The following OPRL1 variants were observed in gnomAD, a reference collection of about 807,000 sequenced individuals.
OPRL1 encodes the protein nociceptin receptor.
OPRL1 carries 5 observed loss-of-function variants against 15.5 expected under a neutral mutation model. The ratio of observed to expected loss-of-function variants is 0.32; its 90% CI spans 0.17 to 0.68. OPRL1 has a LOEUF of 0.68. OPRL1 is among the 30% of genes least tolerant of loss of function. OPRL1 has a pLI of 0.72. For synonymous variants in OPRL1, 223 were observed against 230.2 expected, an observed-to-expected ratio of 0.97 and a Z score of 0.28; for missense variants, 406 against 515.3, an observed-to-expected ratio of 0.79 and a Z score of 2.05.
In OPRL1 at chr20:64,097,622, G is replaced by C. The variant is rs1979333763; in HGVS notation, c.234-180G>C. 6.6e-6 allele frequency among the ~76,000 whole-genome samples: 1 copy of C among 150,786 alleles called. No individual in the cohort carries two copies. Among genetic ancestry groups the C allele is most frequent in the Non-Finnish European group, 1.5e-5 (1 of 67,012 alleles). On this transcript the variant is annotated intron_variant, in intron 3 of 4. Coordinates refer to ENST00000336866, the MANE Select transcript of OPRL1 (RefSeq NM_182647.4). This position sits in a 1 kb window ranked among gnomAD's most constrained non-coding sequence, Gnocchi z 4.2. ...ACCCCAGGCCCTACCCCCTGAGACT[G>C]ACTCATGAGTCTCAGGTTGGGTCCA...
At chr20:64,088,522 G>A (rs2060076574) in intron 1 of OPRL1, among the ~76,000 whole-genome samples, 2 of 151,014 alleles carry the variant, frequency 1.3e-5, no homozygotes, top group South Asian at 2.1e-4. Context: ...TAGCATCTAT[G>A]TGGGGTGGGG....
At chr20:64,084,086 GCCCAGCCCGGCTTGGGGGGCT>G in intron 1 of OPRL1, 2 of 1,486,970 alleles carry the variant, frequency 1.3e-6, no homozygotes, top group Non-Finnish European at 1.8e-6. Context: ...CGGCGTCAGG[GCCCAGCCCGGCTTGGGGGGCT>G]CTGTCGCGGG....
At position 64,098,521 on chromosome 20, in the gene OPRL1, G is replaced by T. The variant is rs758672620; in HGVS notation, c.835G>T (p.Val279Phe). ...TGTGTTCGTGGGCTGCTGGACGCCT[G>T]TCCAGGTCTTCGTGCTGGCCCAAGG... is the stretch of plus-strand genomic sequence containing the variant. ...VAVFVGCWTP[V>F]QVFVLAQGLG... The change falls in exon 5 of 5, where the codon GTC becomes TTC. Residue 279 changes from valine (V) to phenylalanine (F), a missense_variant. Transcript: ENST00000336866. 6 of 1,612,912 alleles carry T rather than the reference G, an allele frequency of 3.7e-6. No individual in the cohort carries two copies. Among genetic ancestry groups the T allele is most frequent in the Non-Finnish European group, 5.1e-6 (6 of 1,180,020 alleles).
At chr20:64,091,499 G>A (rs1028137797) in intron 1 of OPRL1, among the ~76,000 whole-genome samples, 1 of 152,238 alleles carries the variant, frequency 6.6e-6, no homozygotes, top group Non-Finnish European at 1.5e-5. Flanking sequence ...CACACAGCAG[G>A]TGCTGGGCCA....
At position 64,083,391 on chromosome 20, in the gene OPRL1, C is replaced by G. The variant is rs1361365016; in HGVS notation, c.-185+3039C>G. The G allele has an allele frequency of 2.5e-6, 4 of 1,611,230 alleles. No homozygotes were observed. The highest frequency in any genetic ancestry group is 3.4e-6 in the Non-Finnish European group (4 of 1,179,320). The stretch of plus-strand genomic sequence containing the variant: ...CCAGCGAGCCTTCGGAGAATTATAA[C>G]TTTATGTGGGAGGCTGGGGCGCGTC... On this transcript the variant is annotated intron_variant, in intron 1 of 4. Coordinates refer to ENST00000336866, the MANE Select transcript of OPRL1 (RefSeq NM_182647.4). This position sits in a 1 kb window ranked among gnomAD's most constrained non-coding sequence, Gnocchi z 4.9.
rs1218293805 is a variant in OPRL1 at position 64,089,451 on chromosome 20, C to T, written c.-184-2515C>T. Among the ~76,000 whole-genome samples, 1 of 152,036 alleles carries T rather than the reference C, an allele frequency of 6.6e-6. No individual in the cohort carries two copies. Among genetic ancestry groups the T allele is most frequent in the African/African-American group, 2.4e-5 (1 of 41,386 alleles). On this transcript the variant is annotated intron_variant, in intron 1 of 4. Transcript: ENST00000336866. The surrounding 1 kb of genome is among the most constrained non-coding windows in gnomAD (Gnocchi z 5.5). Reference sequence around the variant, plus strand: ...GTGGGGGTCAGGGAGCTAGGTCTGACCTCGTCCCCCCTCCTTTCTTCCTGT... The same window carrying T: ...GTGGGGGTCAGGGAGCTAGGTCTGATCTCGTCCCCCCTCCTTTCTTCCTGT...
chr20:64,092,962 G>A lies in OPRL1; in HGVS notation c.233+9G>A, dbSNP rs1034854856. The A allele has an allele frequency of 1.2e-6, 2 of 1,610,420 alleles. No homozygotes were observed. Among genetic ancestry groups the A allele is most frequent in the Non-Finnish European group, 1.7e-6 (2 of 1,178,122 alleles). ...ATGTACGTCATCCTCAGGTAGGCTG[G>A]GCCCCAAGGTTCCTGTCTGGTGAGT... On this transcript the variant is annotated intron_variant, in intron 3 of 4. Transcript: ENST00000336866.
chr20:64,083,786 G>GC lies in OPRL1; in HGVS notation c.-185+3439dup. The GC allele has an allele frequency of 7.5e-7, 1 of 1,332,024 alleles. No individual in the cohort carries two copies. 82.5% of individuals were successfully genotyped at this position (1,332,024 alleles called of 1,614,324 possible). On this transcript the variant is annotated intron_variant, in intron 1 of 4. Coordinates refer to ENST00000336866, the MANE Select transcript of OPRL1 (RefSeq NM_182647.4). This position sits in a 1 kb window ranked among gnomAD's most constrained non-coding sequence, Gnocchi z 4.9. Reference sequence around the variant, plus strand: ...CGGCTCCGCTCAACGCTCCCGGTGCGCCCCCTCTGCCCTCCGACCCCCTCG... The same window carrying GC: ...CGGCTCCGCTCAACGCTCCCGGTGCGCCCCCCTCTGCCCTCCGACCCCCTCG...
Position 64,092,676 on chromosome 20 carries a change from G to A in OPRL1, c.-33-12G>A, listed in dbSNP as rs375434387. On this transcript the variant is annotated splice_polypyrimidine_tract_variant and intron_variant, in intron 2 of 4. Transcript: ENST00000336866. Reference sequence around the variant, plus strand: ...TGGCACTGCAGCCACTTGTCTCTGCGCTCTGTCCCAGGTACCGTACAGAGT... The same window carrying A: ...TGGCACTGCAGCCACTTGTCTCTGCACTCTGTCCCAGGTACCGTACAGAGT... 584 of 1,563,922 alleles carry A rather than the reference G, an allele frequency of 3.7e-4. No individual in the cohort carries two copies. The highest frequency in any genetic ancestry group is 4.8e-4 in the Non-Finnish European group (547 of 1,142,564).
intron 1 of OPRL1, among the ~76,000 whole-genome samples, chr20:64,081,213 T>C (rs2059963823): frequency 6.6e-6 from 1 of 152,130 alleles, no homozygotes; most frequent in African/African-American, 2.4e-5. Context: ...CCCAGAACCC[T>C]GTGACTGCCA....
intron 1 of OPRL1, among the ~76,000 whole-genome samples, chr20:64,080,656 A>G (rs1036629607): frequency 3.9e-5 from 6 of 152,126 alleles, no homozygotes; most frequent in African/African-American, 1.4e-4. Flanking sequence ...ATGACTCGGT[A>G]CAGACGTGGG....
Position 64,092,783 on chromosome 20 carries a change from C to A in OPRL1, c.63C>A (p.Asn21Lys). 1 of 1,612,776 alleles carries A rather than the reference C, an allele frequency of 6.2e-7. No individual in the cohort carries two copies. Among genetic ancestry groups the A allele is most frequent in the Non-Finnish European group, 8.5e-7 (1 of 1,179,950 alleles). The stretch of plus-strand genomic sequence containing the variant: ...TCTACGGCAGCCACCTTCAGGGCAA[C>A]CTGTCCCTCCTGAGCCCCAACCACA... ...EVIYGSHLQG[N>K]LSLLSPNHSL... Residue 21 changes from asparagine to lysine, a missense_variant, in exon 3 of 5, where the codon AAC becomes AAA. Physicochemically the swap from Asn to Lys is moderately conservative, Grantham distance 94. Transcript: ENST00000336866.
At chr20:64,082,539 C>T (rs1601623069) in intron 1 of OPRL1, among the ~76,000 whole-genome samples, 1 of 152,130 alleles carries the variant, frequency 6.6e-6, no homozygotes, top group South Asian at 2.1e-4. Flanking sequence ...TCAGCTGGAG[C>T]CCCCTAGCAG....
rs932936659 is a variant in OPRL1 at position 64,084,590 on chromosome 20, G to A, written c.-185+4238G>A. On this transcript the variant is annotated intron_variant, in intron 1 of 4. Coordinates refer to ENST00000336866, the MANE Select transcript of OPRL1 (RefSeq NM_182647.4). ...TGCCACATGGAGAGCTCTAGGTGAC[G>A]CCTGGGGGACCTTCGTTGTGCCCCT... Among the ~76,000 whole-genome samples, 7 of 152,326 alleles carry A rather than the reference G, an allele frequency of 4.6e-5. No individual in the cohort carries two copies. The South Asian group carries it at 1.5e-3, about 32-fold the overall frequency.
intron 1 of OPRL1, among the ~76,000 whole-genome samples, chr20:64,091,541 G>A (rs1309840473): frequency 2.0e-5 from 3 of 152,336 alleles, no homozygotes; most frequent in South Asian, 2.1e-4. Context: ...CATCTTACCC[G>A]CTTGTTTACG....
chr20:64,085,232 T>C (rs2060032541), intron 1 of OPRL1: 1 of 152,084 alleles, frequency 6.6e-6, no homozygotes, highest in South Asian at 2.1e-4. Context: ...TCTTTGGGGT[T>C]AGTTTTGTGG....
chr20:64,088,736 G>GAGGGCAGGATCT (rs2060086291), intron 1 of OPRL1, among the ~76,000 whole-genome samples: 2 of 8,678 alleles, frequency 2.3e-4, no homozygotes, highest in African/African-American at 3.6e-4. Flanking sequence ...CTGTGCAAGG[G>GAGGGCAGGATCT]GTAGGATCTG....
intron 4 of OPRL1, 56 bp from the exon 5 acceptor site, chr20:64,098,220 C>T (rs958129573): frequency 3.1e-6 from 5 of 1,602,290 alleles, no homozygotes; most frequent in Non-Finnish European, 4.3e-6. Context: ...CTCCTCTGGG[C>T]CCACGTGCCC....
rs765218267 is a variant in OPRL1 at position 64,083,443 on chromosome 20, G to A, written c.-185+3091G>A. ...CACACTCTCAGTCGCCGTCACCGCG[G>A]GAAGATGGTGCCATCCACGTTCTCC... On this transcript the variant is annotated intron_variant, in intron 1 of 4. Transcript: ENST00000336866. This position sits in a 1 kb window ranked among gnomAD's most constrained non-coding sequence, Gnocchi z 4.9. The A allele has an allele frequency of 6.2e-6, 10 of 1,610,702 alleles. No individual in the cohort carries two copies. In the Admixed American group the frequency reaches 1.7e-4, roughly 27 times the overall value.
Sources: allele counts gnomAD v4.1 joint callset (sites outside exome capture counted in the v4.1 genomes callset), GRCh38; gene constraint gnomAD v4.1.1; non-coding constraint Gnocchi (gnomAD v3.1); transcripts MANE v1.5; gene names NCBI Gene and HGNC (gene_info 2026-07-23, HGNC 2026-07-21).